CYFIP1: variants seen among roughly 807,000 people sequenced by gnomAD.
CYFIP1 encodes the protein cytoplasmic FMR1-interacting protein 1.
A neutral mutation model predicts 163.5 loss-of-function variants in CYFIP1; 58 were observed. The ratio of observed to expected loss-of-function variants is 0.35; its 90% CI spans 0.29 to 0.44. The LOEUF is 0.44. Among genes scored for constraint, CYFIP1 ranks in the 20% least tolerant of loss-of-function variants. CYFIP1 has a pLI of 1.00. For missense variants in CYFIP1, 1,338 were observed against 1,653.8 expected, an observed-to-expected ratio of 0.81 and a Z score of 3.31; for synonymous variants, 663 against 660.7, an observed-to-expected ratio of 1.00 and a Z score of -0.05.
intron 1 of CYFIP1, among the ~76,000 whole-genome samples, chr15:22,978,500 T>C (rs2063358642): frequency 6.6e-6 from 1 of 151,910 alleles, no homozygotes; most frequent in African/African-American, 2.4e-5. Context: ...GTGAAAAATG[T>C]ATGACGATAA....
chr15:22,904,252 C>T (rs897342603), intron 21 of CYFIP1: 34 of 327,404 alleles, frequency 1.0e-4, no homozygotes, highest in East Asian at 4.1e-4. Flanking sequence ...ACCCAGCCGG[C>T]GGCTGCATCT....
Position 22,917,680 on chromosome 15 carries a change from A to C in CYFIP1, c.1674+108T>G. The C allele has an allele frequency of 7.7e-7, 1 of 1,304,872 alleles. No individual in the cohort carries two copies. Among genetic ancestry groups the C allele is most frequent in the Non-Finnish European group, 1.0e-6 (1 of 977,338 alleles). 80.8% of individuals were successfully genotyped at this position (1,304,872 alleles called of 1,614,324 possible). A position where few individuals can be genotyped will look rare whatever the true frequency, so the allele number is the denominator to read the frequency against. On this transcript the variant is annotated intron_variant, in intron 15 of 30. Coordinates refer to ENST00000617928, the MANE Select transcript of CYFIP1 (RefSeq NM_014608.6). This position sits in a 1 kb window ranked among gnomAD's most constrained non-coding sequence, Gnocchi z 4.2. ...CAGGCGCCACTTTCTCTGCCTGAGCAGGCAGCGAGGACCTCATTTAACCCG... is the reference window on the plus strand; with the variant it reads ...CAGGCGCCACTTTCTCTGCCTGAGCCGGCAGCGAGGACCTCATTTAACCCG...
chr15:22,931,125 G>A (rs1279134539), intron 11 of CYFIP1, among the ~76,000 whole-genome samples: 1 of 152,164 alleles, frequency 6.6e-6, no homozygotes, highest in Non-Finnish European at 1.5e-5. Context: ...GGTGCTCATC[G>A]TCCTGCAGTG....
rs1321714560 is a variant in CYFIP1 at position 22,962,398 on chromosome 15, TTTC to T, written c.-6-15110_-6-15108del. Among the ~76,000 whole-genome samples the T allele has an allele frequency of 8.9e-5, 12 of 134,560 alleles. No individual in the cohort carries two copies. The South Asian group carries it at 2.6e-3, about 29-fold the overall frequency. 88.3% of individuals were successfully genotyped at this position (134,560 alleles called of 152,430 possible). ...GTATCTCATCTATATTCTTCTTTTT[TTTC>T]TTTTTTTTTTTCTTGAGACGGAGTT... On this transcript the variant is annotated intron_variant, in intron 1 of 30. Transcript: ENST00000617928.
rs1314935788 is a variant in CYFIP1 at position 22,906,103 on chromosome 15, C to T, written c.2389-2198G>A. ...TCTTTTTTCCAATAACCTTATTTCT[C>T]GATTTATTTTTTTTTTTCTTTGAGA... On this transcript the variant is annotated intron_variant, in intron 21 of 30. Transcript: ENST00000617928. Among the ~76,000 whole-genome samples, 5 of 150,868 alleles carry T rather than the reference C, an allele frequency of 3.3e-5. No individual in the cohort carries two copies. The South Asian group carries it at 8.4e-4, about 25-fold the overall frequency.
In CYFIP1 at chr15:22,953,159, C is replaced by T. The variant is rs566704418; in HGVS notation, c.-6-5868G>A. Among the ~76,000 whole-genome samples the T allele has an allele frequency of 2.3e-3, 355 of 152,324 alleles. 1 individual carries two copies. Among genetic ancestry groups the T allele is most frequent in the African/African-American group, 8.2e-3 (340 of 41,574 alleles). On this transcript the variant is annotated intron_variant, in intron 1 of 30. Coordinates refer to ENST00000617928, the MANE Select transcript of CYFIP1 (RefSeq NM_014608.6). ...TTAGGCGGACTTGGAGTAATCAGCT[C>T]TAAATCCAAGTCTCCAAGGTCTCAG...
intron 1 of CYFIP1, among the ~76,000 whole-genome samples, chr15:22,964,502 G>A (rs946599695): frequency 6.6e-6 from 1 of 152,028 alleles, no homozygotes; most frequent in African/African-American, 2.4e-5. Flanking sequence ...GGCTGACCTC[G>A]GCCACGGTGC....
intron 1 of CYFIP1, among the ~76,000 whole-genome samples, chr15:22,978,233 T>C (rs1248480049): frequency 6.6e-6 from 1 of 151,280 alleles, no homozygotes; most frequent in Non-Finnish European, 1.5e-5. Flanking sequence ...GTGCCTGTAA[T>C]CCCAGCTACT....
At chr15:22,942,068 C>A (rs1051877911) in intron 6 of CYFIP1, among the ~76,000 whole-genome samples, 3 of 152,180 alleles carry the variant, frequency 2.0e-5, no homozygotes, top group African/African-American at 7.2e-5. Context: ...ACTCCAGAGA[C>A]CTTTCTCTAG....
chr15:22,873,517 G>A lies in CYFIP1; in HGVS notation c.3423C>T (p.Pro1141=), dbSNP rs759280990. The change falls in exon 29 of 31, where the codon CCC becomes CCT. Residue 1141 remains proline, a synonymous_variant. Transcript: ENST00000617928. ...WSAMQFVYCI[P]VGTHEFTVEQ... ...CGACTGTGAACTCGTGTGTCCCCAC[G>A]GGAATGCAGTAGACAAACTGCATGG... The A allele has an allele frequency of 1.5e-5, 24 of 1,613,836 alleles. No individual in the cohort carries two copies. The highest frequency in any genetic ancestry group is 5.3e-5 in the African/African-American group (4 of 74,914).
chr15:22,870,161 T>G lies in CYFIP1; in HGVS notation c.3629A>C (p.Lys1210Thr). Reference sequence around the variant, plus strand: ...GATCTCATCATTGAGAATCTGGAACTTGCGAATTCTCTCCACCATCTTCTT... The same window carrying G: ...GATCTCATCATTGAGAATCTGGAACGTGCGAATTCTCTCCACCATCTTCTT... ...PLKKMVERIR[K>T]FQILNDEIIT... The change falls in exon 31 of 31, where the codon AAG becomes ACG. Residue 1210 changes from lysine to threonine, a missense_variant. Physicochemically the swap from Lys to Thr is moderately conservative, Grantham distance 78 (BLOSUM62 -1). Coordinates refer to ENST00000617928, the MANE Select transcript of CYFIP1 (RefSeq NM_014608.6). 6.2e-7 allele frequency: 1 copy of G among 1,610,836 alleles called. No individual in the cohort carries two copies. Among genetic ancestry groups the G allele is most frequent in the Non-Finnish European group, 8.5e-7 (1 of 1,178,794 alleles).
At chr15:22,940,172 G>C (rs550110194) in intron 6 of CYFIP1, among the ~76,000 whole-genome samples, 1 of 152,164 alleles carries the variant, frequency 6.6e-6, no homozygotes, top group African/African-American at 2.4e-5. Flanking sequence ...CAGTGGAAAC[G>C]GCCCACATAA....
intron 1 of CYFIP1, among the ~76,000 whole-genome samples, chr15:22,971,755 AGACAC>A (rs1595735407): frequency 6.6e-6 from 1 of 152,156 alleles, no homozygotes; most frequent in East Asian, 1.9e-4. Flanking sequence ...CTGTAGTCCC[AGACAC>A]TCAGGAGGCT....
At chr15:22,904,169 G>A (rs1459474500) in intron 21 of CYFIP1, 10 of 543,640 alleles carry the variant, frequency 1.8e-5, no homozygotes, top group East Asian at 3.2e-5. Context: ...GTGGGGCAGC[G>A]TGCACGTGTG....
At chr15:22,946,739 G>C in intron 3 of CYFIP1, 1 of 636,308 alleles carries the variant, frequency 1.6e-6, no homozygotes, top group East Asian at 3.2e-5. Context: ...TCTGGAGAGG[G>C]AATGAGCATT....
At position 22,980,319 on chromosome 15, in the gene CYFIP1, G is replaced by A. The variant is rs981655287; in HGVS notation, c.-39C>T. 1.3e-5 allele frequency: 2 copies of A among 151,886 alleles called. No individual in the cohort carries two copies. The highest frequency in any genetic ancestry group is 4.8e-5 in the African/African-American group (2 of 41,390). The allele number at this position is 151,886 out of a possible 1,614,324, so 9.4% of individuals were successfully genotyped here. ...CGCGGCGGCTTGGGGGTCCTGGGCG[G>A]GCCCTGGGAGTTTCCTTGGCCGAGT... On this transcript the variant is annotated 5_prime_UTR_variant, in exon 1 of 31. Transcript: ENST00000617928.
intron 16 of CYFIP1, among the ~76,000 whole-genome samples, chr15:22,916,201 T>C (rs1247005937): frequency 3.9e-5 from 6 of 152,222 alleles, no homozygotes; most frequent in African/African-American, 1.4e-4. Context: ...CCAGATTACA[T>C]TCGCCTGTTT....
chr15:22,932,398 GGGGCAGCTCA>G, intron 10 of CYFIP1, 58 bp from the exon 11 acceptor site: 1 of 1,277,296 alleles, frequency 7.8e-7, no homozygotes, highest in Non-Finnish European at 1.1e-6. Flanking sequence ...CCACAGCACT[GGGGCAGCTCA>G]GGACGCCTGT....
intron 1 of CYFIP1, among the ~76,000 whole-genome samples, chr15:22,948,638 C>G (rs2062139335): frequency 6.6e-6 from 1 of 152,078 alleles, no homozygotes; most frequent in Admixed American, 6.5e-5. Flanking sequence ...AACACAGGTG[C>G]TGCAATTATC....
Sources: allele counts gnomAD v4.1 joint callset (sites outside exome capture counted in the v4.1 genomes callset), GRCh38; gene constraint gnomAD v4.1.1; non-coding constraint Gnocchi (gnomAD v3.1); transcripts MANE v1.5; gene names NCBI Gene and HGNC (gene_info 2026-07-23, HGNC 2026-07-21).